FARP1: variants seen among roughly 807,000 people sequenced by gnomAD.
FARP1 encodes FERM, ARH/RhoGEF and pleckstrin domain protein 1, also known as FERM, ARHGEF and pleckstrin domain-containing protein 1.
Under a neutral mutation model 128.8 loss-of-function variants are expected in FARP1, and 52 were observed. The observed-to-expected ratio is 0.40, with a 90% CI of 0.32 to 0.51. The LOEUF is 0.51. Ranked by LOEUF, FARP1 falls within the 20% of genes least tolerant of loss-of-function variation. FARP1 has a pLI of 0.45. For synonymous variants in FARP1, 580 were observed against 551.8 expected, an observed-to-expected ratio of 1.05 and a Z score of -0.72; for missense variants, 1,333 against 1,367.9, an observed-to-expected ratio of 0.97 and a Z score of 0.40.
intron 17 of FARP1, among the ~76,000 whole-genome samples, chr13:98,425,059 C>G (rs1300536956): frequency 6.6e-6 from 1 of 152,112 alleles, no homozygotes; most frequent in Admixed American, 6.5e-5. Context: ...AAACCCTTCT[C>G]CAACCTTTCT....
chr13:98,228,597 C>T (rs1313674342), intron 2 of FARP1, among the ~76,000 whole-genome samples: 1 of 152,184 alleles, frequency 6.6e-6, no homozygotes, highest in Non-Finnish European at 1.5e-5. Context: ...ATGGATCTCG[C>T]CTTACAGATC....
intron 2 of FARP1, among the ~76,000 whole-genome samples, chr13:98,235,073 C>T (rs1489756475): frequency 2.0e-5 from 3 of 152,176 alleles, no homozygotes; most frequent in Admixed American, 1.3e-4. Context: ...TTGGGTCTCT[C>T]CTGACCTTGA....
At chr13:98,297,973 G>A (rs1206375817) in intron 2 of FARP1, among the ~76,000 whole-genome samples, 3 of 152,196 alleles carry the variant, frequency 2.0e-5, no homozygotes, top group Non-Finnish European at 2.9e-5. Flanking sequence ...CATCCTGTGC[G>A]TTTGCATTTT....
At chr13:98,310,211 C>G (rs1239700548) in intron 2 of FARP1, among the ~76,000 whole-genome samples, 1 of 152,050 alleles carries the variant, frequency 6.6e-6, no homozygotes, top group Non-Finnish European at 1.5e-5. Flanking sequence ...GCAGCTTTGA[C>G]AGTCCTAGAC....
At chr13:98,400,515 A>C (rs1890720021) in intron 13 of FARP1, 1 of 152,188 alleles carries the variant, frequency 6.6e-6, no homozygotes, top group South Asian at 2.1e-4. Context: ...CTTTGGTGAA[A>C]CTGTAGCTGT....
intron 1 of FARP1, among the ~76,000 whole-genome samples, chr13:98,212,005 C>T (rs1387504799): frequency 3.1e-5 from 3 of 96,166 alleles, no homozygotes; most frequent in Admixed American, 1.2e-4. Flanking sequence ...TTGACAGCCA[C>T]GAGCACAGAG....
At chr13:98,393,079 A>G (rs1431507660) in intron 11 of FARP1, among the ~76,000 whole-genome samples, 2 of 152,190 alleles carry the variant, frequency 1.3e-5, no homozygotes, top group Non-Finnish European at 2.9e-5. Flanking sequence ...GAAAAGGGGA[A>G]TAGGCAGACT....
intron 2 of FARP1, among the ~76,000 whole-genome samples, chr13:98,311,775 A>G (rs1427094620): frequency 2.0e-5 from 3 of 152,168 alleles, no homozygotes; most frequent in African/African-American, 7.2e-5. Context: ...AGGAATGGCT[A>G]CCGTAATGAT....
intron 1 of FARP1, among the ~76,000 whole-genome samples, chr13:98,166,482 T>C (rs1665930744): frequency 6.6e-6 from 1 of 152,154 alleles, no homozygotes; most frequent in African/African-American, 2.4e-5. Context: ...AAGCTACCTG[T>C]AGGGGAGAGG....
chr13:98,157,624 A>G (rs1415677215), intron 1 of FARP1, among the ~76,000 whole-genome samples: 1 of 152,216 alleles, frequency 6.6e-6, no homozygotes, highest in African/African-American at 2.4e-5. Flanking sequence ...TAACAGCCCA[A>G]CCACCCTGAT....
chr13:98,290,418 A>G (rs1885397322), intron 2 of FARP1, among the ~76,000 whole-genome samples: 1 of 151,950 alleles, frequency 6.6e-6, no homozygotes, highest in Non-Finnish European at 1.5e-5. Context: ...TCTCTGCTAA[A>G]TGTCCAAGTT....
At position 98,427,313 on chromosome 13, in the gene FARP1, G is replaced by A. The variant is rs189303698; in HGVS notation, c.1905+2663G>A. On this transcript the variant is annotated intron_variant, in intron 17 of 26. Transcript: ENST00000319562. ...CCGGCTTCGTTTGCTTTTCAAAAAC[G>A]TCCTTTTTCCTCTCTCATGTAACAG... Among the ~76,000 whole-genome samples, 26 of 152,242 alleles carry A rather than the reference G, an allele frequency of 1.7e-4. No individual in the cohort carries two copies. In the East Asian group the frequency reaches 2.5e-3, roughly 15 times the overall value.
At chr13:98,244,720 G>A (rs905629011) in intron 2 of FARP1, 4 of 1,603,808 alleles carry the variant, frequency 2.5e-6, no homozygotes, top group Non-Finnish European at 3.4e-6. Context: ...GTCAGGACTT[G>A]AAGTCCTGTT....
chr13:98,147,602 T>C lies in FARP1; in HGVS notation c.-24+4110T>C, dbSNP rs1167585219. Reference sequence around the variant, plus strand: ...TAAAAATCCAGTATTATGATGACTTTCAGTTTTTGTTCTTGTTCATTCAGG... The same window carrying C: ...TAAAAATCCAGTATTATGATGACTTCCAGTTTTTGTTCTTGTTCATTCAGG... On this transcript the variant is annotated intron_variant, in intron 1 of 26. Transcript: ENST00000319562. Among the ~76,000 whole-genome samples the C allele has an allele frequency of 2.0e-5, 3 of 151,984 alleles. No individual in the cohort carries two copies. The Admixed American group carries it at 2.0e-4, about 10-fold the overall frequency.
chr13:98,316,782 G>A lies in FARP1; in HGVS notation c.172-26980G>A, dbSNP rs1368252845. ...CCTTCAGTTGGTTTGAGCAGCCACCGCTGTGATGGAACCAGAGATAACACC... is the reference window on the plus strand; with the variant it reads ...CCTTCAGTTGGTTTGAGCAGCCACCACTGTGATGGAACCAGAGATAACACC... On this transcript the variant is annotated intron_variant, in intron 2 of 26. Coordinates refer to ENST00000319562, the MANE Select transcript of FARP1 (RefSeq NM_005766.4). 3.9e-5 allele frequency among the ~76,000 whole-genome samples: 6 copies of A among 152,294 alleles called. No homozygotes were observed. The Middle Eastern group carries it at 0.01, about 259-fold the overall frequency.
intron 2 of FARP1, among the ~76,000 whole-genome samples, chr13:98,322,389 T>C (rs971577067): frequency 6.6e-6 from 1 of 152,196 alleles, no homozygotes; most frequent in Non-Finnish European, 1.5e-5. Context: ...ATACTGGCAA[T>C]GTGAAGGATT....
intron 2 of FARP1, among the ~76,000 whole-genome samples, chr13:98,238,215 G>A (rs1358200970): frequency 6.6e-6 from 1 of 152,206 alleles, no homozygotes; most frequent in African/African-American, 2.4e-5. Flanking sequence ...GCATATCTGC[G>A]AAACAGGTTT....
intron 23 of FARP1, 117 bp from the exon 24 acceptor site, chr13:98,440,553 T>G: frequency 1.9e-6 from 2 of 1,044,092 alleles, no homozygotes; most frequent in Admixed American, 2.5e-5. Context: ...AGATTCTGGT[T>G]GGGCACCACA....
At chr13:98,179,898 T>C (rs1878387062) in intron 1 of FARP1, among the ~76,000 whole-genome samples, 1 of 151,980 alleles carries the variant, frequency 6.6e-6, no homozygotes, top group African/African-American at 2.4e-5. Context: ...TTTGACTTAA[T>C]TCCTCATTTT....
Sources: allele counts gnomAD v4.1 joint callset (sites outside exome capture counted in the v4.1 genomes callset), GRCh38; gene constraint gnomAD v4.1.1; transcripts MANE v1.5; gene names NCBI Gene and HGNC (gene_info 2026-07-23, HGNC 2026-07-21).